GDPD4: variants seen among roughly 807,000 people sequenced by gnomAD.
GDPD4 encodes glycerophosphodiester phosphodiesterase domain containing 4, also known as glycerophosphodiester phosphodiesterase 6.
In GDPD4, 60 loss-of-function variants were observed where a neutral mutation model predicts 67.8. The ratio of observed to expected loss-of-function variants is 0.88; its 90% CI spans 0.72 to 1.10. The LOEUF (loss-of-function observed/expected upper bound fraction) is 1.10. GDPD4 is among the 50% of genes least tolerant of loss of function. The pLI, the probability that GDPD4 is intolerant of heterozygous loss-of-function variation, is 0.00. For missense variants in GDPD4, 623 were observed against 613.9 expected, an observed-to-expected ratio of 1.01 and a Z score of -0.16; for synonymous variants, 212 against 210.9, an observed-to-expected ratio of 1.00 and a Z score of -0.04.
chr11:77,268,200 A>G (rs1484948328), intron 10 of GDPD4, among the ~76,000 whole-genome samples: 2 of 152,150 alleles, frequency 1.3e-5, no homozygotes, highest in African/African-American at 2.4e-5. Flanking sequence ...ACGGTTTGCA[A>G]TGGGGCCATA....
At chr11:77,226,842 T>C (rs370763410) in intron 16 of GDPD4, among the ~76,000 whole-genome samples, 57 of 152,288 alleles carry the variant, frequency 3.7e-4, no homozygotes, top group African/African-American at 1.3e-3. Context: ...TGAAAGACCA[T>C]TGCCTTCTAT....
chr11:77,259,509 A>C (rs1472584981), intron 10 of GDPD4, among the ~76,000 whole-genome samples: 1 of 151,900 alleles, frequency 6.6e-6, no homozygotes, highest in African/African-American at 2.4e-5. Flanking sequence ...AAAGGAAATA[A>C]CTATTTTCAG....
At chr11:77,293,034 G>C (rs12292357) in intron 1 of GDPD4, among the ~76,000 whole-genome samples, 1 of 151,846 alleles carries the variant, frequency 6.6e-6, no homozygotes. Context: ...AACAACAACG[G>C]GTTCACTGGT....
chr11:77,255,557 G>A (rs923249860), intron 11 of GDPD4, among the ~76,000 whole-genome samples: 5 of 151,976 alleles, frequency 3.3e-5, no homozygotes, highest in South Asian at 2.1e-4. Flanking sequence ...GTGAAACTCC[G>A]TTTCAAAACA....
chr11:77,243,973 GTCTAGTCCTTGGTGAA>G, intron 12 of GDPD4, 125 bp from the exon 13 acceptor site: 2 of 644,966 alleles, frequency 3.1e-6, no homozygotes, highest in Non-Finnish European at 5.4e-6. Flanking sequence ...GAGAGAGAGA[GTCTAGTCCTTGGTGAA>G]AGAGTCAACA....
intron 11 of GDPD4, among the ~76,000 whole-genome samples, chr11:77,248,284 C>T (rs7109758): frequency 0.51 from 76,906 of 150,016 alleles, 20,238 homozygotes; most frequent in South Asian, 0.69. Context: ...CTCACTTCAA[C>T]CTCCGCCTCC....
At chr11:77,233,195 A>G (rs771039931) in intron 13 of GDPD4, 23 bp from the exon 14 acceptor site, 54 of 1,607,814 alleles carry the variant, frequency 3.4e-5, no homozygotes, top group Non-Finnish European at 4.1e-5. Context: ...CAGAACCCAC[A>G]GGGGATTTAG....
chr11:77,235,021 T>G (rs564870695), intron 13 of GDPD4, among the ~76,000 whole-genome samples: 27 of 130,818 alleles, frequency 2.1e-4, no homozygotes, highest in African/African-American at 5.4e-4. Context: ...TTTTTTTTTT[T>G]TTTTTTTTTT....
chr11:77,217,263 G>A lies in GDPD4; in HGVS notation c.*14C>T. 2.5e-6 allele frequency: 4 copies of A among 1,592,880 alleles called. No homozygotes were observed. Among genetic ancestry groups the A allele is most frequent in the Non-Finnish European group, 3.4e-6 (4 of 1,160,572 alleles). Reference sequence around the variant, plus strand: ...CGGACAGGAGGTTTCATGGCTATGTGCAAATCTATCTATCTATCTATCTTC... The same window carrying A: ...CGGACAGGAGGTTTCATGGCTATGTACAAATCTATCTATCTATCTATCTTC... On this transcript the variant is annotated 3_prime_UTR_variant, in exon 17 of 17. Coordinates refer to ENST00000315938, the MANE Select transcript of GDPD4 (RefSeq NM_182833.3).
At position 77,243,774 on chromosome 11, in the gene GDPD4, T is replaced by C. The variant is rs750660414; in HGVS notation, c.1161A>G (p.Leu387=). The C allele has an allele frequency of 1.3e-5, 21 of 1,612,952 alleles. No homozygotes were observed. Among genetic ancestry groups the C allele is most frequent in the Non-Finnish European group, 1.5e-5 (18 of 1,179,038 alleles). ...TTTTAGCAAGGGTTTCAATGGATAC[T>C]AAACGGCCCACATGCTGAAAACCAG... ...VAPGFQHVGR[L]VSIETLAKNN... Residue 387 remains leucine, a synonymous_variant, in exon 13 of 17, where the codon TTA becomes TTG. Coordinates refer to ENST00000315938, the MANE Select transcript of GDPD4 (RefSeq NM_182833.3).
chr11:77,229,010 C>T (rs1319720707), intron 15 of GDPD4, 140 bp downstream of exon 15: 1 of 553,180 alleles, frequency 1.8e-6, no homozygotes, highest in Non-Finnish European at 3.2e-6. Context: ...CTGCAGACTA[C>T]ATGAGAAGAG....
At chr11:77,232,218 C>G (rs1468694333) in intron 14 of GDPD4, among the ~76,000 whole-genome samples, 1 of 152,214 alleles carries the variant, frequency 6.6e-6, no homozygotes, top group African/African-American at 2.4e-5. Flanking sequence ...TAAAAGTTAT[C>G]TAACAGTGAC....
intron 10 of GDPD4, among the ~76,000 whole-genome samples, chr11:77,259,153 ATTT>A (rs942927192): frequency 6.6e-6 from 1 of 151,744 alleles, no homozygotes. Context: ...TTATTTTTGT[ATTT>A]TTTAGTAGAG....
At chr11:77,260,308 G>A (rs2007441) in intron 10 of GDPD4, among the ~76,000 whole-genome samples, 23,585 of 133,132 alleles carry the variant, frequency 0.18, 3,981 homozygotes, top group African/African-American at 0.46. Context: ...CTCCATCTCA[G>A]AAAAAAAAAT....
chr11:77,276,074 C>T lies in GDPD4; in HGVS notation c.207+87G>A, dbSNP rs1258299272. On this transcript the variant is annotated intron_variant, in intron 5 of 16. Transcript: ENST00000315938. ...GTAACAGAGAGGGTAACCCCATACACAAAACTGAGTACCAAGGAGCATGTT... is the reference window on the plus strand; with the variant it reads ...GTAACAGAGAGGGTAACCCCATACATAAAACTGAGTACCAAGGAGCATGTT... The T allele has an allele frequency of 3.2e-6, 3 of 925,030 alleles. No homozygotes were observed. In the Admixed American group the frequency reaches 5.3e-5, roughly 16 times the overall value. The allele number at this position is 925,030 out of a possible 1,614,324, so 57.3% of individuals were successfully genotyped here. A position where few individuals can be genotyped will look rare whatever the true frequency, so the allele number is the denominator to read the frequency against.
At chr11:77,290,139 C>T (rs1011158194) in intron 1 of GDPD4, among the ~76,000 whole-genome samples, 5 of 152,050 alleles carry the variant, frequency 3.3e-5, no homozygotes, top group African/African-American at 1.2e-4. Flanking sequence ...CAGAGAATTC[C>T]AAAAACAGCA....
At chr11:77,297,065 A>C (rs1035517566) in intron 1 of GDPD4, among the ~76,000 whole-genome samples, 2 of 139,920 alleles carry the variant, frequency 1.4e-5, no homozygotes, top group African/African-American at 6.6e-5. Flanking sequence ...AAAAACAAAA[A>C]AAAAAAAACA....
Position 77,285,120 on chromosome 11 carries a change from C to A in GDPD4, c.18G>T (p.Trp6Cys). MLLFL[W>C]IETSSEYFNF... ...TAAAGTATTCACTGGATGTTTCTAT[C>A]CACAGGAACAGCAACATCAGAGACA... Residue 6 changes from tryptophan (W) to cysteine (C), a missense_variant, in exon 3 of 17, where the codon TGG (tryptophan) becomes TGT (cysteine). Trp to Cys is a radical substitution (Grantham distance 215). Transcript: ENST00000315938. 6.2e-7 allele frequency: 1 copy of A among 1,612,244 alleles called. No homozygotes were observed. Among genetic ancestry groups the A allele is most frequent in the East Asian group, 2.2e-5 (1 of 44,828 alleles).
chr11:77,259,779 C>A (rs1353755043), intron 10 of GDPD4, among the ~76,000 whole-genome samples: 2 of 152,088 alleles, frequency 1.3e-5, no homozygotes, highest in Non-Finnish European at 2.9e-5. Flanking sequence ...AAAACAAACA[C>A]ACAGTTCCAA....
Sources: allele counts gnomAD v4.1 joint callset (sites outside exome capture counted in the v4.1 genomes callset), GRCh38; gene constraint gnomAD v4.1.1; transcripts MANE v1.5; gene names NCBI Gene and HGNC (gene_info 2026-07-23, HGNC 2026-07-21).